ADCY6: variants seen among roughly 807,000 people sequenced by gnomAD.
The protein encoded by ADCY6 is adenylate cyclase 6.
ADCY6 carries 59 observed loss-of-function variants against 111.6 expected under a neutral mutation model. The observed-to-expected ratio is 0.53, with a 90% CI of 0.43 to 0.66. The LOEUF (loss-of-function observed/expected upper bound fraction) is 0.66. ADCY6 is among the 30% of genes least tolerant of loss of function. ADCY6 has a pLI of 0.00. For missense variants in ADCY6, 1,242 were observed against 1,595.6 expected (o/e 0.78, Z 3.78); for synonymous variants, 576 against 642.9 (o/e 0.90, Z 1.57).
At chr12:48,768,905 T>C (rs1941447060) in intron 21 of ADCY6, 32 bp downstream of exon 21, 1 of 1,588,668 alleles carries the variant, frequency 6.3e-7, no homozygotes, top group Non-Finnish European at 8.6e-7. Flanking sequence ...CGGGCCCATG[T>C]TCCTCCCAGC....
intron 16 of ADCY6, among the ~76,000 whole-genome samples, chr12:48,773,206 T>C (rs917433430): frequency 6.6e-6 from 1 of 152,150 alleles, no homozygotes; most frequent in African/African-American, 2.4e-5. Context: ...AGATGGTGGA[T>C]GTGAAAGCAC....
chr12:48,771,122 A>G lies in ADCY6; in HGVS notation c.3052-152T>C, dbSNP rs1164242893. On this transcript the variant is annotated intron_variant, in intron 19 of 21. Coordinates refer to ENST00000357869, the MANE Select transcript of ADCY6 (RefSeq NM_015270.5). The surrounding 1 kb of genome is among the most constrained non-coding windows in gnomAD (Gnocchi z 4.3). Reference sequence around the variant, plus strand: ...TGCTGCTATCAGTGTAAGACTGAGGAGCTGGGAAAACAGGCAGCCTAGGAC... The same window carrying G: ...TGCTGCTATCAGTGTAAGACTGAGGGGCTGGGAAAACAGGCAGCCTAGGAC... 1 of 775,282 alleles carries G rather than the reference A, an allele frequency of 1.3e-6. No homozygotes were observed. Among genetic ancestry groups the G allele is most frequent in the Non-Finnish European group, 2.0e-6 (1 of 493,148 alleles). The allele number at this position is 775,282 out of a possible 1,614,324, so 48.0% of individuals were successfully genotyped here. A position where few individuals can be genotyped will look rare whatever the true frequency, so the allele number is the denominator to read the frequency against.
chr12:48,780,658 C>T (rs1298286729), intron 2 of ADCY6, among the ~76,000 whole-genome samples: 1 of 152,164 alleles, frequency 6.6e-6, no homozygotes, highest in African/African-American at 2.4e-5. Context: ...CCATGCCAGT[C>T]GAGAGCAGGG....
At position 48,782,807 on chromosome 12, in the gene ADCY6, C is replaced by A; in HGVS notation, c.628G>T (p.Val210Leu). ...ATGCCCAGCACCACGTAGCTCACCA[C>A]CCACATGGAGTCCTGGCGGAAGCTA... ...RHSFRQDSMWVVSYVVLGILA... is the reference protein window; with the variant it reads ...RHSFRQDSMWLVSYVVLGILA... The change falls in exon 2 of 22, where the codon GTG (valine) becomes TTG (leucine). Residue 210 changes from valine to leucine, a missense_variant. By Grantham distance (32) the Val-to-Leu change is conservative (BLOSUM62 1). Transcript: ENST00000357869. This position sits in a 1 kb window ranked among gnomAD's most constrained non-coding sequence, Gnocchi z 4.3. 1 of 1,614,008 alleles carries A rather than the reference C, an allele frequency of 6.2e-7. No individual in the cohort carries two copies. Among genetic ancestry groups the A allele is most frequent in the African/African-American group, 1.3e-5 (1 of 75,064 alleles).
intron 1 of ADCY6, among the ~76,000 whole-genome samples, chr12:48,787,502 C>T (rs577120996): frequency 1.3e-5 from 2 of 152,288 alleles, no homozygotes; most frequent in African/African-American, 4.8e-5. Flanking sequence ...CTGCCCATCC[C>T]GCAGAACTTG....
chr12:48,771,491 C>A lies in ADCY6; in HGVS notation c.3051+219G>T. The A allele has an allele frequency of 1.4e-6, 1 of 703,624 alleles. No homozygotes were observed. The highest frequency in any genetic ancestry group is 2.5e-6 in the Non-Finnish European group (1 of 400,290). The allele number at this position is 703,624 out of a possible 1,614,324, so 43.6% of individuals were successfully genotyped here. A position where few individuals can be genotyped will look rare whatever the true frequency, so the allele number is the denominator to read the frequency against. ...CTACAGATCAAGTCCTCCCCTGCTC[C>A]CCAACAGTGATGACCCTGCCCCACT... On this transcript the variant is annotated intron_variant, in intron 19 of 21. Transcript: ENST00000357869. The surrounding 1 kb of genome is among the most constrained non-coding windows in gnomAD (Gnocchi z 4.3).
chr12:48,777,218 A>G lies in ADCY6; in HGVS notation c.1262T>C (p.Leu421Pro). The G allele has an allele frequency of 6.2e-7, 1 of 1,613,488 alleles. No homozygotes were observed. Among genetic ancestry groups the G allele is most frequent in the South Asian group, 1.1e-5 (1 of 91,024 alleles). The change falls in exon 6 of 22, where the codon CTG (leucine) becomes CCG (proline). Residue 421 changes from leucine to proline, a missense_variant. Leu to Pro is a moderately conservative substitution (Grantham distance 98). Transcript: ENST00000357869. The surrounding 1 kb of genome is among the most constrained non-coding windows in gnomAD (Gnocchi z 4.9). ...FDKLAAENHCLRIKILGDCYY... is the reference protein window; with the variant it reads ...FDKLAAENHCPRIKILGDCYY... ...ACAGTCCCCCAAGATCTTGATCCTC[A>G]GGCAGTGATTCTCCTGAATGGGAAG...
intron 18 of ADCY6, 65 bp downstream of exon 18, chr12:48,772,230 T>C (rs1941568594): frequency 9.0e-6 from 14 of 1,547,752 alleles, no homozygotes; most frequent in South Asian, 1.2e-5. Context: ...ACAAGATACA[T>C]TTCTGGCCTG....
In ADCY6 at chr12:48,773,455, G is replaced by C. The variant is rs1433495648; in HGVS notation, c.2621+14C>G. 4.3e-6 allele frequency: 7 copies of C among 1,612,306 alleles called. No individual in the cohort carries two copies. The African/African-American group carries it at 8.0e-5, about 18-fold the overall frequency. Reference sequence around the variant, plus strand: ...AAGCTCCTGGGGTATTAAAGGACCTGAGAATAAACTCACAAGCCATGGACG... The same window carrying C: ...AAGCTCCTGGGGTATTAAAGGACCTCAGAATAAACTCACAAGCCATGGACG... On this transcript the variant is annotated intron_variant, in intron 16 of 21. Transcript: ENST00000357869.
At position 48,774,438 on chromosome 12, in the gene ADCY6, G is replaced by A. The variant is rs115957272; in HGVS notation, c.2247C>T (p.Ser749=). ...RAHSTAVGIF[S]VLLVFTSAIA... ...TGGCAGAAGTAAACACAAGCAGGAC[G>A]GAAAAGATGCCAACTGCGGTGCTAT... The change falls in exon 14 of 22, where the codon TCC becomes TCT. Residue 749 remains serine (S), a synonymous_variant. Transcript: ENST00000357869. The A allele has an allele frequency of 1.1e-4, 172 of 1,613,954 alleles. 1 individual carries two copies. In the East Asian group the frequency reaches 2.7e-3, roughly 26 times the overall value.
chr12:48,770,945 T>G lies in ADCY6; in HGVS notation c.3077A>C (p.Gln1026Pro), dbSNP rs1305838565. ...DEIISEERFRQLEKIKTIGST... is the reference protein window; with the variant it reads ...DEIISEERFRPLEKIKTIGST... ...ACCAATCGTCTTGATCTTTTCCAGCTGCCGGAACCGCTCCTCGCTGATAAT... is the reference window on the plus strand; with the variant it reads ...ACCAATCGTCTTGATCTTTTCCAGCGGCCGGAACCGCTCCTCGCTGATAAT... Residue 1026 changes from glutamine (Q) to proline (P), a missense_variant, in exon 20 of 22, where the codon CAG becomes CCG. Physicochemically the swap from Gln to Pro is moderately conservative, Grantham distance 76. Transcript: ENST00000357869. The G allele has an allele frequency of 3.1e-6, 5 of 1,614,040 alleles. No homozygotes were observed. In the South Asian group the frequency reaches 5.5e-5, roughly 18 times the overall value.
intron 2 of ADCY6, among the ~76,000 whole-genome samples, chr12:48,780,171 G>A (rs1041069642): frequency 2.6e-5 from 4 of 152,172 alleles, no homozygotes; most frequent in Non-Finnish European, 4.4e-5. Flanking sequence ...GAAGGGGGAC[G>A]AGACTGAAAT....
In ADCY6 at chr12:48,768,086, G is replaced by C. The variant is rs1941423626; in HGVS notation, c.*505C>G. ...GGACACCTGGCTGGGGTGGGGAAGT[G>C]CCCAGGACCAGTGCTGGGGATGCAG... On this transcript the variant is annotated 3_prime_UTR_variant, in exon 22 of 22. Coordinates refer to ENST00000357869, the MANE Select transcript of ADCY6 (RefSeq NM_015270.5). 1 of 189,328 alleles carries C rather than the reference G, an allele frequency of 5.3e-6. No individual in the cohort carries two copies. The highest frequency in any genetic ancestry group is 2.4e-5 in the African/African-American group (1 of 42,110). 11.7% of individuals were successfully genotyped at this position (189,328 alleles called of 1,614,324 possible).
chr12:48,783,315 C>G lies in ADCY6; in HGVS notation c.120G>C (p.Thr40=), dbSNP rs934935412. 1 of 1,613,512 alleles carries G rather than the reference C, an allele frequency of 6.2e-7. No individual in the cohort carries two copies. Among genetic ancestry groups the G allele is most frequent in the African/African-American group, 1.3e-5 (1 of 74,938 alleles). Residue 40 remains threonine, a synonymous_variant, in exon 2 of 22, where the codon ACG becomes ACC. Transcript: ENST00000357869. ...RRGTRAGGFC[T]PRYMSCLRDA... is the part of the protein sequence containing the mutation. The stretch of plus-strand genomic sequence containing the variant: ...CCCGGAGGCAGCTCATATAGCGGGG[C>G]GTGCAGAAGCCACCTGCCCGAGTGC...
rs1325938340 is a variant in ADCY6, at chr12:48,778,124, T to C, written c.998A>G (p.His333Arg). 7 of 1,611,694 alleles carry C rather than the reference T, an allele frequency of 4.3e-6. No homozygotes were observed. The highest frequency in any genetic ancestry group is 2.7e-5 in the African/African-American group (2 of 74,916). Residue 333 changes from histidine (H) to arginine (R), a missense_variant, in exon 3 of 22, where the codon CAT becomes CGT. Coordinates refer to ENST00000357869, the MANE Select transcript of ADCY6 (RefSeq NM_015270.5). ...GYIQARLHLQHENRQQERLLL... is the reference protein window; with the variant it reads ...GYIQARLHLQRENRQQERLLL... Reference sequence around the variant, plus strand: ...CAGCCCCACCTGCTGCCGATTCTCATGCTGCAGGTGGAGCCGGGCCTGGAT... The same window carrying C: ...CAGCCCCACCTGCTGCCGATTCTCACGCTGCAGGTGGAGCCGGGCCTGGAT...
chr12:48,771,590 C>A lies in ADCY6; in HGVS notation c.3051+120G>T. On this transcript the variant is annotated intron_variant, in intron 19 of 21. Transcript: ENST00000357869. The surrounding 1 kb of genome is among the most constrained non-coding windows in gnomAD (Gnocchi z 4.3). ...TGCCTCCACTGTGCATACCCTTACC[C>A]CTGATGACTCTGGGTCCCATCAAAT... 6.7e-7 allele frequency: 1 copy of A among 1,500,494 alleles called. No homozygotes were observed. The highest frequency in any genetic ancestry group is 1.4e-5 in the African/African-American group (1 of 72,888). The allele number at this position is 1,500,494 out of a possible 1,614,324, so 92.9% of individuals were successfully genotyped here.
At chr12:48,775,093 C>T in intron 11 of ADCY6, 39 bp from the exon 12 acceptor site, 41 of 1,523,164 alleles carry the variant, frequency 2.7e-5, no homozygotes, top group Non-Finnish European at 3.5e-5. Flanking sequence ...TGGGCCCTCC[C>T]TAAGGAAGGC....
At chr12:48,786,138 C>T (rs1941975236) in intron 1 of ADCY6, among the ~76,000 whole-genome samples, 2 of 152,270 alleles carry the variant, frequency 1.3e-5, no homozygotes, top group African/African-American at 4.8e-5. Flanking sequence ...TTTGTACTCA[C>T]TCGGGGACAG....
In ADCY6 at chr12:48,771,645, C is replaced by G. The variant is rs1941546635; in HGVS notation, c.3051+65G>C. The G allele has an allele frequency of 6.2e-7, 1 of 1,604,418 alleles. No homozygotes were observed. ...CTCTCTCTTCCCAGTTCCACTCACC[C>G]ATTCCAATCCCTGGTCTCCAAGTAC... On this transcript the variant is annotated intron_variant, in intron 19 of 21. Coordinates refer to ENST00000357869, the MANE Select transcript of ADCY6 (RefSeq NM_015270.5). This position sits in a 1 kb window ranked among gnomAD's most constrained non-coding sequence, Gnocchi z 4.3.
Sources: allele counts gnomAD v4.1 joint callset (sites outside exome capture counted in the v4.1 genomes callset), GRCh38; gene constraint gnomAD v4.1.1; non-coding constraint Gnocchi (gnomAD v3.1); transcripts MANE v1.5; gene names NCBI Gene and HGNC (gene_info 2026-07-23, HGNC 2026-07-21).